The following VPS53 variants were observed in gnomAD, a reference collection of about 807,000 sequenced individuals.
The protein encoded by VPS53 is VPS53 subunit of GARP complex.
VPS53 carries 70 observed loss-of-function variants against 107.0 expected under a neutral mutation model. That is an observed-to-expected ratio of 0.65 (90% CI 0.54 to 0.80). The LOEUF (loss-of-function observed/expected upper bound fraction) is 0.80. Among genes scored for constraint, VPS53 ranks in the 30% least tolerant of loss-of-function variants. VPS53 has a pLI of 0.00. For missense variants in VPS53, 917 were observed against 1,049.4 expected, an observed-to-expected ratio of 0.87 and a Z score of 1.74; for synonymous variants, 409 against 393.3, an observed-to-expected ratio of 1.04 and a Z score of -0.47.
intron 4 of VPS53, among the ~76,000 whole-genome samples, chr17:688,833 G>GT (rs929653031): frequency 6.6e-5 from 10 of 152,182 alleles, no homozygotes; most frequent in African/African-American, 2.2e-4. Context: ...CTCCAGGGCT[G>GT]CCCCACAGAT....
chr17:714,043 T>TAA (rs1973748287), intron 1 of VPS53: 1 of 71,538 alleles, frequency 1.4e-5, no homozygotes, highest in African/African-American at 5.5e-5. Flanking sequence ...AGAATCCGTC[T>TAA]CAAAAAAAAA....
chr17:664,244 A>C (rs1971586976), intron 4 of VPS53, among the ~76,000 whole-genome samples: 1 of 151,878 alleles, frequency 6.6e-6, no homozygotes, highest in African/African-American at 2.4e-5. Flanking sequence ...ACACCTGGCT[A>C]ATTTTTTGTA....
chr17:627,985 TCAGA>T (rs1969788238), intron 9 of VPS53, 99 bp downstream of exon 9: 2 of 1,187,796 alleles, frequency 1.7e-6, no homozygotes, highest in Admixed American at 2.7e-5. Flanking sequence ...ACCAACACTG[TCAGA>T]CAGTCATGTA....
chr17:658,246 G>A (rs1289018908), intron 5 of VPS53, among the ~76,000 whole-genome samples: 2 of 98,694 alleles, frequency 2.0e-5, no homozygotes, highest in Admixed American at 9.5e-5. Context: ...CCGTGAGTTC[G>A]TGGATAGATA....
intron 4 of VPS53, among the ~76,000 whole-genome samples, chr17:671,316 AAAAAG>A (rs1265765501): frequency 6.6e-6 from 1 of 151,960 alleles, no homozygotes. Context: ...GGAAAAAGAA[AAAAAG>A]AAAAGAGAGA....
chr17:521,858 T>C (rs922186802), intron 19 of VPS53, 120 bp from the exon 20 acceptor site: 1 of 1,225,596 alleles, frequency 8.2e-7, no homozygotes, highest in South Asian at 2.7e-5. Flanking sequence ...TGCAAAAAAT[T>C]GGGGAAATAA....
At chr17:554,466 C>T (rs975293655) in intron 15 of VPS53, among the ~76,000 whole-genome samples, 2 of 152,028 alleles carry the variant, frequency 1.3e-5, no homozygotes, top group African/African-American at 2.4e-5. Context: ...TGCAATGGTA[C>T]GATCTTGGCT....
At chr17:572,006 C>T (rs1382818316) in intron 13 of VPS53, among the ~76,000 whole-genome samples, 6 of 151,418 alleles carry the variant, frequency 4.0e-5, no homozygotes, top group African/African-American at 1.5e-4. Context: ...GGCCGCCCAT[C>T]GTCTGGGATG....
intron 7 of VPS53, among the ~76,000 whole-genome samples, chr17:644,260 C>G (rs1333703576): frequency 2.6e-5 from 4 of 152,184 alleles, no homozygotes; most frequent in Non-Finnish European, 5.9e-5. Flanking sequence ...TTCAAATGTA[C>G]AGGCAAAGAT....
chr17:566,988 GC>G (rs1913586070), intron 13 of VPS53, among the ~76,000 whole-genome samples: 1 of 151,796 alleles, frequency 6.6e-6, no homozygotes, highest in African/African-American at 2.4e-5. Flanking sequence ...CCTAGTGATC[GC>G]CCGCCTCAGC....
intron 11 of VPS53, among the ~76,000 whole-genome samples, chr17:610,626 G>GTTT (rs1161784896): frequency 6.6e-6 from 1 of 151,910 alleles, no homozygotes; most frequent in African/African-American, 2.4e-5. Context: ...ATCTAAAGAA[G>GTTT]TTATAAAGCC....
chr17:529,626 A>G (rs1456940038), intron 19 of VPS53, among the ~76,000 whole-genome samples: 1 of 152,164 alleles, frequency 6.6e-6, no homozygotes, highest in Non-Finnish European at 1.5e-5. Flanking sequence ...AACATGAGCT[A>G]TCCTGTCATT....
chr17:670,172 C>T (rs1299674415), intron 4 of VPS53, among the ~76,000 whole-genome samples: 1 of 151,736 alleles, frequency 6.6e-6, no homozygotes, highest in Non-Finnish European at 1.5e-5. Flanking sequence ...TTAATCTGCC[C>T]CTACTGGAGT....
intron 11 of VPS53, among the ~76,000 whole-genome samples, chr17:607,292 A>G (rs1288765168): frequency 6.6e-6 from 1 of 152,196 alleles, no homozygotes; most frequent in African/African-American, 2.4e-5. Flanking sequence ...AAGAAATAAA[A>G]GCAAAGGGCC....
At chr17:686,210 C>T (rs1223308020) in intron 4 of VPS53, among the ~76,000 whole-genome samples, 1 of 151,974 alleles carries the variant, frequency 6.6e-6, no homozygotes, top group East Asian at 1.9e-4. Context: ...GTCCTAGCTA[C>T]TTGGGAGGCT....
chr17:640,223 T>A (rs576793964), intron 7 of VPS53, among the ~76,000 whole-genome samples: 18 of 152,318 alleles, frequency 1.2e-4, no homozygotes, highest in African/African-American at 3.8e-4. Context: ...AATCTCCTGG[T>A]GTGCCATTTG....
intron 17 of VPS53, chr17:539,353 T>C (rs1910400823): frequency 6.6e-6 from 1 of 152,202 alleles, no homozygotes; most frequent in Non-Finnish European, 1.5e-5. Flanking sequence ...CAAGTCAGTA[T>C]GTGCCCACAT....
intron 7 of VPS53, among the ~76,000 whole-genome samples, chr17:639,205 G>A (rs992613221): frequency 2.0e-5 from 3 of 152,068 alleles, no homozygotes; most frequent in Non-Finnish European, 4.4e-5. Context: ...CCAGTTGATC[G>A]AATTGGCTAC....
At chr17:577,645 A>C (rs989884736) in intron 13 of VPS53, among the ~76,000 whole-genome samples, 17 of 151,688 alleles carry the variant, frequency 1.1e-4, no homozygotes, top group African/African-American at 4.1e-4. Flanking sequence ...AATCTCCCTC[A>C]CAAAGTAATG....
Sources: allele counts gnomAD v4.1 joint callset (sites outside exome capture counted in the v4.1 genomes callset), GRCh38; gene constraint gnomAD v4.1.1; transcripts MANE v1.5; gene names NCBI Gene and HGNC (gene_info 2026-07-23, HGNC 2026-07-21).